DLG5: variants seen among roughly 807,000 people sequenced by gnomAD.
DLG5 encodes the protein discs large MAGUK scaffold protein 5, also known as disks large homolog 5.
DLG5 carries 48 observed loss-of-function variants against 189.8 expected under a neutral mutation model. The observed-to-expected ratio is 0.25, with a 90% CI of 0.20 to 0.32. DLG5 has a LOEUF of 0.32. Among genes scored for constraint, DLG5 ranks in the 10% least tolerant of loss-of-function variants. DLG5 has a pLI of 1.00. For synonymous variants in DLG5, 1,016 were observed against 1,054.1 expected, an observed-to-expected ratio of 0.96 and a Z score of 0.70; for missense variants, 2,160 against 2,544.7, an observed-to-expected ratio of 0.85 and a Z score of 3.25.
intron 3 of DLG5, among the ~76,000 whole-genome samples, chr10:77,855,867 A>T (rs927003473): frequency 3.8e-4 from 58 of 152,344 alleles, no homozygotes; most frequent in African/African-American, 1.4e-3. Context: ...GCTAAAGGAT[A>T]AACCACTCTC....
chr10:77,879,542 G>A (rs369184415), intron 1 of DLG5, among the ~76,000 whole-genome samples: 2 of 151,846 alleles, frequency 1.3e-5, no homozygotes, highest in African/African-American at 2.4e-5. Context: ...CAGCAAACTC[G>A]CAAGTCCAGG....
At chr10:77,819,022 G>A (rs547943531) in intron 17 of DLG5, among the ~76,000 whole-genome samples, 18 of 152,338 alleles carry the variant, frequency 1.2e-4, no homozygotes, top group Admixed American at 9.8e-4. Flanking sequence ...TAGCCCATGA[G>A]GTTGCTGTTG....
intron 1 of DLG5, among the ~76,000 whole-genome samples, chr10:77,923,911 C>A (rs2131878836): frequency 1.3e-5 from 2 of 152,252 alleles, no homozygotes; most frequent in Middle Eastern, 3.4e-3. Context: ...GTCACCTAGG[C>A]TGGAATCCAA....
At chr10:77,927,006 G>T, upstream of DLG5, 1 of 336,830 alleles carries the variant, frequency 3.0e-6, no homozygotes, top group Admixed American at 3.2e-5. Flanking sequence ...CTCCGGCCCG[G>T]CTCGGAGGCC....
chr10:77,796,655 C>T lies in DLG5; in HGVS notation c.5165-61G>A, dbSNP rs1840939957. 2.6e-5 allele frequency: 41 copies of T among 1,600,158 alleles called. No homozygotes were observed. Among genetic ancestry groups the T allele is most frequent in the Middle Eastern group, 1.7e-4 (1 of 5,768 alleles). The stretch of plus-strand genomic sequence containing the variant: ...CTTGGAGTGGAGGACCTGAGTGGGG[C>T]TGGGGAACCCCGCTCCCTGACCTCG... On this transcript the variant is annotated intron_variant, in intron 27 of 31. Transcript: ENST00000372391. This position sits in a 1 kb window ranked among gnomAD's most constrained non-coding sequence, Gnocchi z 5.2.
At chr10:77,883,380 A>T (rs965665046) in intron 1 of DLG5, among the ~76,000 whole-genome samples, 1 of 152,120 alleles carries the variant, frequency 6.6e-6, no homozygotes, top group Non-Finnish European at 1.5e-5. Context: ...GAGGAATGAG[A>T]TCGTTGAAAT....
intron 1 of DLG5, among the ~76,000 whole-genome samples, chr10:77,914,291 C>A (rs1436186089): frequency 6.6e-6 from 1 of 152,180 alleles, no homozygotes; most frequent in Non-Finnish European, 1.5e-5. Context: ...ATGGCCTATG[C>A]CCTGGGATGC....
rs192051919 is a variant in DLG5 at position 77,819,559 on chromosome 10, C to T, written c.3527-94G>A. 1.3e-4 allele frequency: 184 copies of T among 1,467,162 alleles called. No individual in the cohort carries two copies. The African/African-American group carries it at 2.3e-3, about 19-fold the overall frequency. 90.9% of individuals were successfully genotyped at this position (1,467,162 alleles called of 1,614,324 possible). A position where few individuals can be genotyped will look rare whatever the true frequency, so the allele number is the denominator to read the frequency against. ...TCCCCTGTATCCCAGGACGCAGCCG[C>T]AGTCTTTTGGGAAAAGGACTTGGGA... On this transcript the variant is annotated intron_variant, in intron 16 of 31. Coordinates refer to ENST00000372391, the MANE Select transcript of DLG5 (RefSeq NM_004747.4).
intron 2 of DLG5, among the ~76,000 whole-genome samples, chr10:77,862,711 G>A (rs1844518866): frequency 5.9e-5 from 9 of 152,164 alleles, no homozygotes. Flanking sequence ...TCCTTATGAT[G>A]GAGTATTACT....
chr10:77,869,257 G>A (rs1844806811), intron 1 of DLG5, 60 bp from the exon 2 acceptor site: 4 of 1,513,840 alleles, frequency 2.6e-6, no homozygotes, highest in Non-Finnish European at 3.7e-6. Flanking sequence ...TTCACCCCAA[G>A]CCAGCTGATC....
At chr10:77,919,516 C>A (rs564310487) in intron 1 of DLG5, among the ~76,000 whole-genome samples, 1 of 147,804 alleles carries the variant, frequency 6.8e-6, no homozygotes, top group East Asian at 2.0e-4. Context: ...AAAAAACAAG[C>A]ACCAGGAAGC....
intron 1 of DLG5, among the ~76,000 whole-genome samples, chr10:77,913,853 C>A (rs946954525): frequency 2.6e-5 from 4 of 151,966 alleles, no homozygotes; most frequent in Non-Finnish European, 5.9e-5. Flanking sequence ...CCTCCTAAAG[C>A]GCTGGGATTA....
rs1840648356 is a variant in DLG5, at chr10:77,791,653, AC to A, written c.*786del. On this transcript the variant is annotated 3_prime_UTR_variant, in exon 32 of 32. Coordinates refer to ENST00000372391, the MANE Select transcript of DLG5 (RefSeq NM_004747.4). ...CAATGGCAGGCATCAGCACAGCTGA[AC>A]ACCACCTGGACCCCACTGCAGCCCT... is the stretch of plus-strand genomic sequence containing the variant. The A allele has an allele frequency of 6.6e-6, 1 of 152,574 alleles. No homozygotes were observed. The highest frequency in any genetic ancestry group is 1.5e-5 in the Non-Finnish European group (1 of 68,268). 9.5% of individuals were successfully genotyped at this position (152,574 alleles called of 1,614,324 possible). A position where few individuals can be genotyped will look rare whatever the true frequency, so the allele number is the denominator to read the frequency against.
intron 5 of DLG5, 149 bp downstream of exon 5, chr10:77,853,205 G>T: frequency 1.6e-6 from 1 of 629,220 alleles, no homozygotes; most frequent in Non-Finnish European, 2.3e-6. Flanking sequence ...CTCATCTCAA[G>T]CAATCTCTCA....
At chr10:77,898,701 T>A (rs1845836839) in intron 1 of DLG5, among the ~76,000 whole-genome samples, 1 of 152,196 alleles carries the variant, frequency 6.6e-6, no homozygotes. Flanking sequence ...TGAGTGCTCC[T>A]GAGGAAGTGG....
rs1844121925 is a variant in DLG5 at position 77,854,296 on chromosome 10, C to T, written c.611G>A (p.Ser204Asn). The change falls in exon 4 of 32, where the codon AGC becomes AAC. Residue 204 changes from serine to asparagine, a missense_variant. By Grantham distance (46) the Ser-to-Asn change is conservative. This residue lies in a region of DLG5 where 664 missense variants were observed against 838.5 expected (regional missense o/e 0.79). Coordinates refer to ENST00000372391, the MANE Select transcript of DLG5 (RefSeq NM_004747.4). ...GGCGTTGGTGTGCTGGTTCTGCAGG[C>T]TCTGCAGGTCCGACATGGCTCGCAC... is the stretch of plus-strand genomic sequence containing the variant. ...QCVRAMSDLQ[S>N]LQNQHTNALK... 9 of 1,614,086 alleles carry T rather than the reference C, an allele frequency of 5.6e-6. No homozygotes were observed. Among genetic ancestry groups the T allele is most frequent in the Admixed American group, 1.7e-5 (1 of 60,008 alleles).
intron 27 of DLG5, among the ~76,000 whole-genome samples, chr10:77,801,110 A>T (rs1469724036): frequency 1.3e-5 from 2 of 152,230 alleles, no homozygotes; most frequent in Non-Finnish European, 2.9e-5. Flanking sequence ...AACTAGGCAT[A>T]TCATGGGGCA....
At chr10:77,860,322 A>C (rs926658085) in intron 2 of DLG5, among the ~76,000 whole-genome samples, 4 of 152,118 alleles carry the variant, frequency 2.6e-5, no homozygotes, top group African/African-American at 9.7e-5. Flanking sequence ...TTTGAGACAG[A>C]GTTTCACTCT....
In DLG5 at chr10:77,821,340, C is replaced by T. The variant is rs74820799; in HGVS notation, c.3144G>A (p.Pro1048=). The change falls in exon 15 of 32, where the codon CCG becomes CCA. Residue 1048 remains proline, a synonymous_variant. Transcript: ENST00000372391. ...LVGSSPSTSP[P]SALPPDVDPG... is the part of the protein sequence containing the mutation. ...GGTCCACGTCAGGGGGCAGGGCGCT[C>T]GGGGGACTAGTGGATGGGGAGCTGC... 1,650 of 1,612,940 alleles carry T rather than the reference C, an allele frequency of 1.0e-3. 13 individuals are homozygous for T. In the East Asian group the frequency reaches 0.012, roughly 12 times the overall value.
Sources: allele counts gnomAD v4.1 joint callset (sites outside exome capture counted in the v4.1 genomes callset), GRCh38; gene constraint gnomAD v4.1.1; regional missense constraint gnomAD v4.1.1; non-coding constraint Gnocchi (gnomAD v3.1); transcripts MANE v1.5; gene names NCBI Gene and HGNC (gene_info 2026-07-23, HGNC 2026-07-21).